RBFOX1: variants seen among roughly 807,000 people sequenced by gnomAD.
RBFOX1 encodes RNA binding fox-1 homolog 1, also known as RNA binding protein fox-1 homolog 1.
In RBFOX1, 8 loss-of-function variants were observed where a neutral mutation model predicts 57.7. The observed-to-expected ratio is 0.14, with a 90% CI of 0.08 to 0.25. The LOEUF is 0.25. RBFOX1 is among the 10% of genes least tolerant of loss of function. The pLI is 1.00. For synonymous variants in RBFOX1, 326 were observed against 222.4 expected, an observed-to-expected ratio of 1.47 and a Z score of -4.15; for missense variants, 611 against 548.5, an observed-to-expected ratio of 1.11 and a Z score of -1.14.
intron 2 of RBFOX1, among the ~76,000 whole-genome samples, chr16:6,597,206 A>G (rs1246251944): frequency 1.3e-5 from 2 of 152,142 alleles, no homozygotes; most frequent in Non-Finnish European, 2.9e-5. Context: ...TTCATATCTC[A>G]TCTCCAGCAT....
At chr16:5,313,680 G>T (rs1380487736) in intron 1 of RBFOX1, among the ~76,000 whole-genome samples, 1 of 152,178 alleles carries the variant, frequency 6.6e-6, no homozygotes. Context: ...GAGAGTTTGT[G>T]TAGGGGAACT....
chr16:5,978,409 A>G (rs969871097), intron 4 of RBFOX1, among the ~76,000 whole-genome samples: 1 of 152,148 alleles, frequency 6.6e-6, no homozygotes, highest in Non-Finnish European at 1.5e-5. Context: ...TAGCACAGAG[A>G]GTTCCTGTAT....
chr16:7,512,225 C>A (rs1433042783), intron 4 of RBFOX1, among the ~76,000 whole-genome samples: 1 of 152,184 alleles, frequency 6.6e-6, no homozygotes, highest in Non-Finnish European at 1.5e-5. Context: ...ATGAAGTTGG[C>A]TTCAGCTTCC....
At chr16:6,083,845 C>T (rs573098565) in intron 1 of RBFOX1, among the ~76,000 whole-genome samples, 14 of 152,238 alleles carry the variant, frequency 9.2e-5, no homozygotes, top group African/African-American at 2.9e-4. Flanking sequence ...TCTTCTCTAA[C>T]CCCGGGGGAC....
chr16:5,604,018 C>T (rs568044654), downstream of RBFOX1, among the ~76,000 whole-genome samples: 1 of 150,394 alleles, frequency 6.6e-6, no homozygotes, highest in African/African-American at 2.4e-5. Context: ...ATCAATGGTG[C>T]CATTCCCCCC....
intron 3 of RBFOX1, among the ~76,000 whole-genome samples, chr16:5,608,287 A>T (rs568227104): frequency 1.0e-3 from 156 of 152,236 alleles, no homozygotes; most frequent in African/African-American, 3.5e-3. Context: ...AGGGTGTAGG[A>T]CGGGAACCAA....
chr16:5,445,923 G>C (rs1287095513), intron 1 of RBFOX1, among the ~76,000 whole-genome samples: 2 of 152,174 alleles, frequency 1.3e-5, no homozygotes, highest in African/African-American at 2.4e-5. Context: ...GGTATGCTTT[G>C]AGTGGGAATG....
intron 5 of RBFOX1, among the ~76,000 whole-genome samples, chr16:7,555,087 T>C (rs1020747059): frequency 1.3e-5 from 2 of 152,146 alleles, no homozygotes; most frequent in Non-Finnish European, 2.9e-5. Context: ...TTGTTGTGAG[T>C]AGGGTAAGGG....
chr16:5,789,779 C>G (rs1161578595), intron 3 of RBFOX1, among the ~76,000 whole-genome samples: 2 of 152,178 alleles, frequency 1.3e-5, no homozygotes, highest in Admixed American at 1.3e-4. Context: ...TGCTCAAGTC[C>G]TAATCTGATC....
intron 3 of RBFOX1, among the ~76,000 whole-genome samples, chr16:6,954,865 T>C (rs2153532452): frequency 6.6e-6 from 1 of 152,236 alleles, no homozygotes; most frequent in Admixed American, 6.5e-5. Context: ...TTGCCTTTTT[T>C]CTATCAATTC....
chr16:5,691,186 T>C (rs1018404052), intron 3 of RBFOX1, among the ~76,000 whole-genome samples: 10 of 152,196 alleles, frequency 6.6e-5, no homozygotes, highest in African/African-American at 2.4e-4. Flanking sequence ...TTGTAATAAA[T>C]TTTCTGTTTT....
Position 5,347,109 on chromosome 16 carries a change from A to G in RBFOX1, c.219+107004A>G, listed in dbSNP as rs552515459. 7.9e-5 allele frequency among the ~76,000 whole-genome samples: 12 copies of G among 151,988 alleles called. No homozygotes were observed. In the South Asian group the frequency reaches 1.0e-3, roughly 13 times the overall value. ...TCTGGCTGCTCTATTGACAATCCCA[A>G]TGTTGCTCATCCTCCTCCTGGCACC... On this transcript the variant is annotated intron_variant, in intron 1 of 2. Coordinates refer to the RBFOX1 transcript ENST00000585867.
chr16:7,078,012 A>G (rs984086309), intron 4 of RBFOX1, among the ~76,000 whole-genome samples: 2 of 152,146 alleles, frequency 1.3e-5, no homozygotes, highest in Non-Finnish European at 2.9e-5. Flanking sequence ...TGAATGGAGC[A>G]TTACCTCCAT....
At chr16:7,219,551 T>A (rs1051863956) in intron 4 of RBFOX1, among the ~76,000 whole-genome samples, 43 of 152,228 alleles carry the variant, frequency 2.8e-4, no homozygotes, top group African/African-American at 9.9e-4. Flanking sequence ...TATGACAGAC[T>A]TGCTATTTTG....
chr16:6,655,493 C>T (rs76058366), intron 3 of RBFOX1, among the ~76,000 whole-genome samples: 5,551 of 149,930 alleles, frequency 0.037, 254 homozygotes, highest in East Asian at 0.1. Flanking sequence ...GGGGGCAATG[C>T]CATTTTCTAC....
chr16:5,587,800 G>A (rs748359328), intron 2 of RBFOX1, among the ~76,000 whole-genome samples: 11 of 152,188 alleles, frequency 7.2e-5, no homozygotes, highest in Non-Finnish European at 1.6e-4. Context: ...AACAGCCAGA[G>A]AGTTCCTCAA....
chr16:6,880,633 A>C (rs1484507024), intron 3 of RBFOX1, among the ~76,000 whole-genome samples: 3 of 152,158 alleles, frequency 2.0e-5, no homozygotes, highest in African/African-American at 7.2e-5. Context: ...GGTGGGGAAA[A>C]AATCAACCCA....
chr16:7,659,365 T>C (rs1212327741), intron 12 of RBFOX1, among the ~76,000 whole-genome samples: 4 of 152,230 alleles, frequency 2.6e-5, no homozygotes, highest in Non-Finnish European at 5.9e-5. Context: ...TCAGCCATGC[T>C]TTCTGGTTTT....
chr16:6,960,099 G>A (rs979222810), intron 3 of RBFOX1, among the ~76,000 whole-genome samples: 1 of 152,120 alleles, frequency 6.6e-6, no homozygotes, highest in Non-Finnish European at 1.5e-5. Flanking sequence ...GATTAAACAA[G>A]TGTATTGGGG....
Sources: gnomAD v4.1 joint callset for allele counts (sites outside exome capture counted in the v4.1 genomes callset) on GRCh38, gnomAD v4.1.1 for gene constraint, MANE v1.5 for transcripts, NCBI Gene and HGNC (gene_info 2026-07-23, HGNC 2026-07-21) for gene names.